ITGA8: variants seen among roughly 807,000 people sequenced by gnomAD.
ITGA8 encodes the protein integrin subunit alpha 8.
ITGA8 carries 91 observed loss-of-function variants against 142.3 expected under a neutral mutation model. The ratio of observed to expected loss-of-function variants is 0.64; its 90% CI spans 0.54 to 0.76. The LOEUF is 0.76. Ranked by LOEUF, ITGA8 falls within the 30% of genes least tolerant of loss-of-function variation. The pLI, the probability that ITGA8 is intolerant of heterozygous loss-of-function variation, is 0.00. For synonymous variants in ITGA8, 505 were observed against 485.2 expected (o/e 1.04, Z -0.54); for missense variants, 1,406 against 1,327.7 (o/e 1.06, Z -0.92).
At position 15,655,340 on chromosome 10, in the gene ITGA8, G is replaced by A. The variant is rs558953190; in HGVS notation, c.1001+14C>T. On this transcript the variant is annotated intron_variant, in intron 11 of 29. Transcript: ENST00000378076. The stretch of plus-strand genomic sequence containing the variant: ...ATGTAATATATTGTATATGAGAGAG[G>A]TCTATAAACTTACCCATCACTGTTA... 1.1e-5 allele frequency: 16 copies of A among 1,523,060 alleles called. No homozygotes were observed. The highest frequency in any genetic ancestry group is 3.4e-5 in the Admixed American group (2 of 59,538). The allele number at this position is 1,523,060 out of a possible 1,614,324, so 94.3% of individuals were successfully genotyped here.
intron 21 of ITGA8, among the ~76,000 whole-genome samples, chr10:15,594,302 T>A (rs989256384): frequency 1.3e-5 from 2 of 152,076 alleles, no homozygotes; most frequent in African/African-American, 4.8e-5. Context: ...ATTCTCTGAT[T>A]CTATGGGCTG....
At position 15,532,281 on chromosome 10, in the gene ITGA8, T is replaced by C. The variant is rs112433827; in HGVS notation, c.2881-1130A>G. Among the ~76,000 whole-genome samples, 1,304 of 151,878 alleles carry C rather than the reference T, an allele frequency of 8.6e-3. 11 individuals are homozygous for C. The highest frequency in any genetic ancestry group is 0.03 in the African/African-American group (1,225 of 41,362). Reference sequence around the variant, plus strand: ...AAAAATACAAAAAATTAGCTGGGCATGGTGGCGGGTCCCTATAATCCCAGC... The same window carrying C: ...AAAAATACAAAAAATTAGCTGGGCACGGTGGCGGGTCCCTATAATCCCAGC... On this transcript the variant is annotated intron_variant, in intron 27 of 29. Coordinates refer to ENST00000378076, the MANE Select transcript of ITGA8 (RefSeq NM_003638.3).
chr10:15,690,966 A>G (rs981454493), intron 2 of ITGA8, among the ~76,000 whole-genome samples: 2 of 152,226 alleles, frequency 1.3e-5, no homozygotes, highest in African/African-American at 4.8e-5. Flanking sequence ...AGGGGCTAAC[A>G]TCTAAAATAC....
intron 8 of ITGA8, among the ~76,000 whole-genome samples, chr10:15,664,220 T>A (rs1834343019): frequency 6.6e-6 from 1 of 152,142 alleles, no homozygotes; most frequent in South Asian, 2.1e-4. Context: ...TAGTAAGAAG[T>A]GAGGTCAGGG....
chr10:15,641,348 A>G (rs1444808309), intron 13 of ITGA8, among the ~76,000 whole-genome samples: 2 of 152,246 alleles, frequency 1.3e-5, no homozygotes. Flanking sequence ...ATTCATTTCT[A>G]GAAAAATGAA....
rs111310107 is a variant in ITGA8 at position 15,525,035 on chromosome 10, G to A, written c.2983-5623C>T. On this transcript the variant is annotated intron_variant, in intron 28 of 29. Transcript: ENST00000378076. ...TTATTTATGTATTTTTGGAGACAGG[G>A]TCTTGCTCTGTTGCCTCAGCTGGAG... is the stretch of plus-strand genomic sequence containing the variant. 2.2e-4 allele frequency among the ~76,000 whole-genome samples: 33 copies of A among 152,066 alleles called. 1 individual carries two copies. Among genetic ancestry groups the A allele is most frequent in the African/African-American group, 6.8e-4 (28 of 41,468 alleles).
chr10:15,680,463 G>A (rs1588719524), intron 4 of ITGA8, among the ~76,000 whole-genome samples: 1 of 151,682 alleles, frequency 6.6e-6, no homozygotes, highest in East Asian at 1.9e-4. Flanking sequence ...ATCCTATAAA[G>A]TTCCCTAAAA....
intron 2 of ITGA8, among the ~76,000 whole-genome samples, chr10:15,706,770 A>G (rs1230062252): frequency 6.6e-6 from 1 of 152,002 alleles, no homozygotes; most frequent in African/African-American, 2.4e-5. Context: ...CATAATTCAA[A>G]TTATGTTACT....
intron 22 of ITGA8, among the ~76,000 whole-genome samples, chr10:15,588,776 A>G (rs1832874436): frequency 1.3e-5 from 2 of 152,232 alleles, no homozygotes; most frequent in African/African-American, 4.8e-5. Context: ...GTATGTAAAT[A>G]GACATTGAAC....
chr10:15,627,512 C>A (rs574775836), intron 13 of ITGA8, among the ~76,000 whole-genome samples: 24 of 152,268 alleles, frequency 1.6e-4, no homozygotes, highest in African/African-American at 5.8e-4. Flanking sequence ...GTAAGAAAAT[C>A]TAAAAGGGTT....
At chr10:15,520,139 C>T (rs928064028) in intron 28 of ITGA8, among the ~76,000 whole-genome samples, 3 of 152,124 alleles carry the variant, frequency 2.0e-5, no homozygotes, top group African/African-American at 4.8e-5. Context: ...CAGGCCAGAG[C>T]GGTGGCTCAT....
At chr10:15,543,368 C>T (rs1301693220) in intron 27 of ITGA8, among the ~76,000 whole-genome samples, 1 of 152,144 alleles carries the variant, frequency 6.6e-6, no homozygotes, top group Non-Finnish European at 1.5e-5. Context: ...ATATGAAATT[C>T]AAAAATATGC....
intron 25 of ITGA8, among the ~76,000 whole-genome samples, chr10:15,559,428 C>G (rs1833937595): frequency 6.6e-6 from 1 of 152,166 alleles, no homozygotes; most frequent in Admixed American, 6.5e-5. Context: ...ATGGAAAACA[C>G]AAAGCAGAGA....
At chr10:15,674,045 T>C (rs1834580277) in intron 6 of ITGA8, among the ~76,000 whole-genome samples, 2 of 152,022 alleles carry the variant, frequency 1.3e-5, no homozygotes. Flanking sequence ...AATTAGTCTT[T>C]GGGAATTCAC....
chr10:15,613,327 A>C (rs1343215061), intron 15 of ITGA8, among the ~76,000 whole-genome samples: 1 of 152,114 alleles, frequency 6.6e-6, no homozygotes, highest in East Asian at 1.9e-4. Context: ...AGAATCTAAG[A>C]GCTATCTCCA....
At chr10:15,688,893 C>A (rs990109388) in intron 2 of ITGA8, among the ~76,000 whole-genome samples, 1 of 152,226 alleles carries the variant, frequency 6.6e-6, no homozygotes, top group African/African-American at 2.4e-5. Flanking sequence ...GCTAACATTA[C>A]ACTTAGCAGT....
At chr10:15,706,663 G>A (rs1201559893) in intron 2 of ITGA8, among the ~76,000 whole-genome samples, 1 of 152,058 alleles carries the variant, frequency 6.6e-6, no homozygotes, top group South Asian at 2.1e-4. Context: ...TGGTCTCAAA[G>A]TCTTGGTGTC....
At position 15,693,370 on chromosome 10, in the gene ITGA8, T is replaced by A. The variant is rs116563938; in HGVS notation, c.344-5332A>T. On this transcript the variant is annotated intron_variant, in intron 2 of 29. Coordinates refer to ENST00000378076, the MANE Select transcript of ITGA8 (RefSeq NM_003638.3). ...TTAAACTTTCAATTGAGTTTACTTA[T>A]GATTACAGACTGTTTAAAGAATAAA... 6.3e-3 allele frequency among the ~76,000 whole-genome samples: 960 copies of A among 152,346 alleles called. 4 individuals carry two copies. Among genetic ancestry groups the A allele is most frequent in the African/African-American group, 0.022 (917 of 41,588 alleles).
intron 8 of ITGA8, among the ~76,000 whole-genome samples, chr10:15,662,351 T>A (rs1291837938): frequency 1.4e-5 from 2 of 141,274 alleles, no homozygotes; most frequent in Non-Finnish European, 3.1e-5. Context: ...TTTTTTTTTT[T>A]TTTAAACAGG....
Sources: gnomAD v4.1 joint callset for allele counts (sites outside exome capture counted in the v4.1 genomes callset) on GRCh38, gnomAD v4.1.1 for gene constraint, MANE v1.5 for transcripts, NCBI Gene and HGNC (gene_info 2026-07-23, HGNC 2026-07-21) for gene names.